Variants in SLMAP observed in about 807,000 individuals in gnomAD.
SLMAP encodes the protein sarcolemmal membrane-associated protein.
A neutral mutation model predicts 128.8 loss-of-function variants in SLMAP; 44 were observed. The observed-to-expected ratio is 0.34, with a 90% CI of 0.27 to 0.44. The LOEUF (loss-of-function observed/expected upper bound fraction) is 0.44, where lower values mean the gene tolerates loss of function less well. SLMAP is among the 20% of genes least tolerant of loss of function. The probability of loss-of-function intolerance (pLI) is 1.00; values close to 1 mark genes in which losing one functional copy is unlikely to be tolerated. For synonymous variants in SLMAP, 327 were observed against 348.8 expected (o/e 0.94, Z 0.70); for missense variants, 787 against 985.3 (o/e 0.80, Z 2.69).
chr3:57,889,861 T>C, intron 14 of SLMAP, 180 bp from the exon 15 acceptor site: 1 of 477,232 alleles, frequency 2.1e-6, no homozygotes, highest in South Asian at 5.2e-5. Context: ...ATTAACGTGA[T>C]TGCTCCGTCA....
intron 15 of SLMAP, among the ~76,000 whole-genome samples, chr3:57,891,577 C>CTT (rs11434318): frequency 2.7e-5 from 4 of 145,674 alleles, no homozygotes; most frequent in Non-Finnish European, 1.5e-5. Flanking sequence ...GTTTTTAACC[C>CTT]TTTTTTTTTT....
rs950294836 is a variant in SLMAP, at chr3:57,784,345, C to T, written c.198+26496C>T. 9.2e-5 allele frequency among the ~76,000 whole-genome samples: 14 copies of T among 152,184 alleles called. 1 individual carries two copies. In the East Asian group the frequency reaches 2.7e-3, roughly 29 times the overall value. ...GTGAGCCCAACCTTTCCCCAGTGGG[C>T]CCAGCCTCTGTCCTAGTGTGCCCAG... On this transcript the variant is annotated intron_variant, in intron 2 of 24. Transcript: ENST00000671191.
At position 57,907,816 on chromosome 3, in the gene SLMAP, C is replaced by T. The variant is rs564769733; in HGVS notation, c.1502-68C>T. The T allele has an allele frequency of 6.2e-6, 9 of 1,445,972 alleles. No individual in the cohort carries two copies. The South Asian group carries it at 1.0e-4, about 16-fold the overall frequency. 89.6% of individuals were successfully genotyped at this position (1,445,972 alleles called of 1,614,324 possible). On this transcript the variant is annotated intron_variant, in intron 17 of 24. Coordinates refer to ENST00000671191, the MANE Select transcript of SLMAP (RefSeq NM_001377540.1). ...GCATGTGCAAACATGAGAGAGATTA[C>T]CAGTCTTTTATTGTAGATTATAGTG...
In SLMAP at chr3:57,906,308, T is replaced by TG. The variant is rs1198152320; in HGVS notation, c.1502-1576_1502-1575insG. Among the ~76,000 whole-genome samples, 12 of 97,676 alleles carry TG rather than the reference T, an allele frequency of 1.2e-4. 1 individual carries two copies. The highest frequency in any genetic ancestry group is 3.6e-4 in the African/African-American group (10 of 28,096). 64.1% of individuals were successfully genotyped at this position (97,676 alleles called of 152,430 possible). On this transcript the variant is annotated intron_variant, in intron 17 of 24. Coordinates refer to ENST00000671191, the MANE Select transcript of SLMAP (RefSeq NM_001377540.1). ...CAGAATCAAATTTTTTTCTTTTTTTTTCTTTTTTTTTTTTTTTTTTTTTTA... is the reference window on the plus strand; with the variant it reads ...CAGAATCAAATTTTTTTCTTTTTTTTGTCTTTTTTTTTTTTTTTTTTTTTTA...
chr3:57,844,417 A>T (rs946389874), intron 4 of SLMAP, among the ~76,000 whole-genome samples: 4 of 148,628 alleles, frequency 2.7e-5, no homozygotes, highest in Admixed American at 6.7e-5. Context: ...TTTAAAAATT[A>T]AAAAAAAAAA....
chr3:57,909,616 A>G (rs1025325679), intron 19 of SLMAP, among the ~76,000 whole-genome samples: 1 of 151,188 alleles, frequency 6.6e-6, no homozygotes, highest in African/African-American at 2.4e-5. Context: ...AGCTTTATTT[A>G]TTTATTTGTT....
chr3:57,904,346 C>T (rs2096473077), intron 17 of SLMAP, among the ~76,000 whole-genome samples: 2 of 152,120 alleles, frequency 1.3e-5, no homozygotes, highest in South Asian at 4.2e-4. Flanking sequence ...ATCGCTTGAG[C>T]CCAGGAGGTA....
intron 2 of SLMAP, among the ~76,000 whole-genome samples, chr3:57,768,120 T>C (rs2080102860): frequency 6.6e-6 from 1 of 152,190 alleles, no homozygotes; most frequent in East Asian, 1.9e-4. Context: ...TTTTTCATGC[T>C]TTATAAGAGA....
chr3:57,925,769 C>A, intron 23 of SLMAP, 76 bp from the exon 24 acceptor site: 2 of 975,588 alleles, frequency 2.1e-6, no homozygotes, highest in East Asian at 5.2e-5. Flanking sequence ...TACCTCCCAC[C>A]CTACTGGGGT....
intron 5 of SLMAP, among the ~76,000 whole-genome samples, chr3:57,848,351 A>T (rs1577538198): frequency 7.3e-5 from 9 of 124,010 alleles, no homozygotes; most frequent in Non-Finnish European, 1.0e-4. Flanking sequence ...TCTTCCTTTT[A>T]CTTTCTTCTT....
chr3:57,900,999 C>A (rs1386994197), intron 17 of SLMAP: 1 of 152,258 alleles, frequency 6.6e-6, no homozygotes, highest in Non-Finnish European at 1.5e-5. Context: ...CCTTCATAAC[C>A]TTCCCTGGCA....
At chr3:57,861,036 A>G (rs2095032378) in intron 9 of SLMAP, among the ~76,000 whole-genome samples, 197 bp downstream of exon 9, 1 of 152,164 alleles carries the variant, frequency 6.6e-6, no homozygotes, top group South Asian at 2.1e-4. Flanking sequence ...TCCCTAGTCA[A>G]TGGCTGAGGA....
intron 22 of SLMAP, among the ~76,000 whole-genome samples, chr3:57,921,343 CA>C (rs1220296405): frequency 2.0e-5 from 3 of 152,038 alleles, no homozygotes; most frequent in Non-Finnish European, 4.4e-5. Context: ...CTACTAGAAA[CA>C]GGCGGGGCAC....
chr3:57,866,230 C>T (rs1017989846), intron 13 of SLMAP, among the ~76,000 whole-genome samples: 4 of 151,968 alleles, frequency 2.6e-5, no homozygotes, highest in Non-Finnish European at 4.4e-5. Context: ...CATAATTGTG[C>T]CACTGCACTC....
chr3:57,807,223 T>C (rs182874380), intron 2 of SLMAP, among the ~76,000 whole-genome samples: 242 of 152,356 alleles, frequency 1.6e-3, no homozygotes, highest in African/African-American at 5.5e-3. Context: ...GTTTTTTTCT[T>C]GTAAATCTGT....
At chr3:57,764,280 T>A (rs1240192257) in intron 2 of SLMAP, among the ~76,000 whole-genome samples, 1 of 151,986 alleles carries the variant, frequency 6.6e-6, no homozygotes, top group Non-Finnish European at 1.5e-5. Flanking sequence ...GATGGGTGGA[T>A]CACCTGAGGT....
intron 17 of SLMAP, among the ~76,000 whole-genome samples, chr3:57,906,045 C>T (rs2096529184): frequency 7.7e-6 from 1 of 129,874 alleles, no homozygotes; most frequent in African/African-American, 2.9e-5. Flanking sequence ...CTTCTAAATA[C>T]TCCTTAAAAA....
intron 22 of SLMAP, chr3:57,918,028 T>A (rs1008047043): frequency 6.6e-6 from 1 of 152,260 alleles, no homozygotes; most frequent in African/African-American, 2.4e-5. Context: ...AATTTGGCAA[T>A]GATTGTTCTT....
chr3:57,850,408 T>C (rs1439540255), intron 6 of SLMAP, among the ~76,000 whole-genome samples: 2 of 152,090 alleles, frequency 1.3e-5, no homozygotes, highest in African/African-American at 4.8e-5. Flanking sequence ...CCAAAACAGT[T>C]TTTAAAAATC....
Sources: gnomAD v4.1 joint callset for allele counts (sites outside exome capture counted in the v4.1 genomes callset) on GRCh38, gnomAD v4.1.1 for gene constraint, MANE v1.5 for transcripts, NCBI Gene and HGNC (gene_info 2026-07-23, HGNC 2026-07-21) for gene names.